Variants in RBM41 observed in about 807,000 individuals in gnomAD.
RBM41 encodes RNA binding motif protein 41.
RBM41 carries 14 observed loss-of-function variants against 30.8 expected under a neutral mutation model. The ratio of observed to expected loss-of-function variants is 0.45; its 90% CI spans 0.30 to 0.71. The LOEUF is 0.71. RBM41 is among the 30% of genes least tolerant of loss of function. The probability of loss-of-function intolerance (pLI) is 0.08; values close to 1 mark genes in which losing one functional copy is unlikely to be tolerated. For synonymous variants in RBM41, 120 were observed against 110.1 expected (o/e 1.09, Z -0.56); for missense variants, 276 against 326.3 (o/e 0.85, Z 1.19).
At chrX:107,112,258 A>G (rs1924552202) in intron 5 of RBM41, among the ~76,000 whole-genome samples, 1 of 111,810 alleles carries the variant, frequency 8.9e-6, no homozygotes, top group Non-Finnish European at 1.9e-5. Flanking sequence ...ACAGGATATA[A>G]GGATGGCAAA....
At chrX:107,109,837 T>C (rs1024264438) in intron 5 of RBM41, among the ~76,000 whole-genome samples, 1 of 111,656 alleles carries the variant, frequency 9.0e-6, no homozygotes. Context: ...ATATTCCTTT[T>C]GATTTCCTTT....
chrX:107,056,596 A>T, the RBM41 span, among the ~76,000 whole-genome samples: 2 of 111,415 alleles, frequency 1.8e-5, no homozygotes, highest in Admixed American at 1.9e-4. Context: ...TTGTGCGTCA[A>T]TTTTGGTAGT....
intron 5 of RBM41, among the ~76,000 whole-genome samples, chrX:107,098,425 T>A (rs1466515919): frequency 4.5e-5 from 5 of 111,726 alleles, no homozygotes; most frequent in African/African-American, 1.6e-4. Context: ...ATGATATTGA[T>A]TCTAAAATAG....
rs1924854513 is a variant in RBM41 at position 107,116,004 on chromosome X, A to G, written c.176T>C (p.Phe59Ser). Residue 59 changes from phenylalanine to serine, a missense_variant, in exon 3 of 8, where the codon TTT (phenylalanine) becomes TCT (serine). Transcript: ENST00000685964. ...SFAPGTMYKP[F>S]GKEAAGTMTL... is the part of the protein sequence containing the mutation. ...CATAGTCCCAGCTGCTTCCTTCCCAAAGGGCTTGTACATAGTACCAGGAGC... is the reference window on the plus strand; with the variant it reads ...CATAGTCCCAGCTGCTTCCTTCCCAGAGGGCTTGTACATAGTACCAGGAGC... 8.3e-7 allele frequency: 1 copy of G among 1,205,952 alleles called. No homozygotes were observed. The highest frequency in any genetic ancestry group is 1.1e-6 in the Non-Finnish European group (1 of 893,142).
intron 4 of RBM41, chrX:107,114,619 C>T (rs1312138227): frequency 9.1e-6 from 1 of 110,226 alleles, no homozygotes; most frequent in African/African-American, 3.3e-5. Flanking sequence ...TCAATCACAC[C>T]AATACACAGT....
chrX:107,065,117 G>A lies in RBM41; in HGVS notation c.*2410C>T, dbSNP rs1178174360. ...TGGCTGTTGTCTGTGTGATATATTTGTTTTCCATCCTTTTACCTTTAATCT... is the reference window on the plus strand; with the variant it reads ...TGGCTGTTGTCTGTGTGATATATTTATTTTCCATCCTTTTACCTTTAATCT... On this transcript the variant is annotated 3_prime_UTR_variant, in exon 8 of 8. Coordinates refer to ENST00000685964, the MANE Select transcript of RBM41 (RefSeq NM_001324242.2). The A allele has an allele frequency of 1.8e-5, 2 of 111,507 alleles. No homozygotes were observed. Among genetic ancestry groups the A allele is most frequent in the African/African-American group, 6.5e-5 (2 of 30,728 alleles). The allele number at this position is 111,507 out of a possible 1,213,427, so 9.2% of individuals were successfully genotyped here.
At chrX:107,089,988 C>T (rs1310524568) in intron 5 of RBM41, among the ~76,000 whole-genome samples, 1 of 112,000 alleles carries the variant, frequency 8.9e-6, no homozygotes, top group African/African-American at 3.2e-5. Context: ...ATGTGGTTTC[C>T]CTAAAAATGT....
At chrX:107,089,522 G>A (rs183880306) in intron 5 of RBM41, among the ~76,000 whole-genome samples, 181 of 111,736 alleles carry the variant, frequency 1.6e-3, no homozygotes, top group Middle Eastern at 9.2e-3. Flanking sequence ...CTCCTCAGCC[G>A]AACTTAACAA....
chrX:107,096,124 A>G (rs1237916268), intron 5 of RBM41, among the ~76,000 whole-genome samples: 1 of 112,572 alleles, frequency 8.9e-6, no homozygotes, highest in African/African-American at 3.2e-5. Flanking sequence ...TAGAAGATCT[A>G]AACAAAGGAA....
At chrX:107,116,225 C>T (rs926529174) in intron 2 of RBM41, 171 bp from the exon 3 acceptor site, 38 of 973,609 alleles carry the variant, frequency 3.9e-5, no homozygotes, top group Non-Finnish European at 4.8e-5. Flanking sequence ...TCGAGAGTGC[C>T]GTCATCCAGG....
intron 5 of RBM41, among the ~76,000 whole-genome samples, chrX:107,103,009 A>G (rs1923592736): frequency 9.0e-6 from 1 of 111,148 alleles, no homozygotes; most frequent in African/African-American, 3.3e-5. Flanking sequence ...CCAGAACCTC[A>G]CCTATACCTG....
intron 6 of RBM41, among the ~76,000 whole-genome samples, chrX:107,078,823 C>G: frequency 9.1e-6 from 1 of 109,588 alleles, no homozygotes; most frequent in East Asian, 2.8e-4. Context: ...ATTGTTCTGG[C>G]TTTAGTCATA....
At chrX:107,082,954 A>C (rs981844722) in intron 6 of RBM41, among the ~76,000 whole-genome samples, 2 of 111,551 alleles carry the variant, frequency 1.8e-5, no homozygotes, top group Non-Finnish European at 3.8e-5. Context: ...TAAAATGAGA[A>C]AATAAAAGAT....
intron 6 of RBM41, among the ~76,000 whole-genome samples, chrX:107,076,739 G>A (rs1936242564): frequency 9.0e-6 from 1 of 111,202 alleles, no homozygotes; most frequent in Non-Finnish European, 1.9e-5. Flanking sequence ...TAAAAAAATG[G>A]AGGAGGAAAA....
Position 107,092,735 on chromosome X carries a change from G to A in RBM41, c.596-3896C>T, listed in dbSNP as rs1199243004. 3.6e-5 allele frequency among the ~76,000 whole-genome samples: 4 copies of A among 112,332 alleles called. No homozygotes were observed. In the East Asian group the frequency reaches 1.1e-3, roughly 31 times the overall value. Reference sequence around the variant, plus strand: ...GCCAACATTACATGTCAGTGAAGTTGTAGAGCAACTGGTACCCTCACATAT... The same window carrying A: ...GCCAACATTACATGTCAGTGAAGTTATAGAGCAACTGGTACCCTCACATAT... On this transcript the variant is annotated intron_variant, in intron 5 of 7. Transcript: ENST00000685964.
chrX:107,060,091 G>C (rs1935616209), downstream of RBM41, among the ~76,000 whole-genome samples: 1 of 110,789 alleles, frequency 9.0e-6, no homozygotes, highest in African/African-American at 3.3e-5. Context: ...GGGCCAACCT[G>C]AAGGAGCTCC....
chrX:107,118,480 G>C (rs1925077111), intron 1 of RBM41, among the ~76,000 whole-genome samples: 1 of 110,838 alleles, frequency 9.0e-6, no homozygotes, highest in African/African-American at 3.3e-5. Context: ...GCCCAGCTGG[G>C]TCCGGGTGAA....
chrX:107,110,996 T>C (rs1301684804), intron 5 of RBM41, among the ~76,000 whole-genome samples: 1 of 111,328 alleles, frequency 9.0e-6, no homozygotes, highest in African/African-American at 3.2e-5. Flanking sequence ...GATTTGGCAA[T>C]GATTTCTTGG....
intron 5 of RBM41, among the ~76,000 whole-genome samples, chrX:107,101,374 T>C (rs1330656438): frequency 1.8e-5 from 2 of 111,991 alleles, no homozygotes; most frequent in East Asian, 5.6e-4. Flanking sequence ...CCAAAATTCA[T>C]GTCTACCCAG....
Sources: gnomAD v4.1 joint callset for allele counts (sites outside exome capture counted in the v4.1 genomes callset) on GRCh38, gnomAD v4.1.1 for gene constraint, MANE v1.5 for transcripts, NCBI Gene and HGNC (gene_info 2026-07-23, HGNC 2026-07-21) for gene names.